ATG10: variants seen among roughly 807,000 people sequenced by gnomAD.
ATG10 encodes the protein autophagy related 10.
Under a neutral mutation model 32.1 loss-of-function variants are expected in ATG10, and 30 were observed. The observed-to-expected ratio is 0.94, with a 90% CI of 0.70 to 1.27. The LOEUF (loss-of-function observed/expected upper bound fraction) is 1.27. Among genes scored for constraint, ATG10 ranks in the 50% most tolerant of loss-of-function variants. The probability of loss-of-function intolerance (pLI) is 0.00; values close to 1 mark genes in which losing one functional copy is unlikely to be tolerated. For missense variants in ATG10, 233 were observed against 262.3 expected, an observed-to-expected ratio of 0.89 and a Z score of 0.77; for synonymous variants, 87 against 91.5, an observed-to-expected ratio of 0.95 and a Z score of 0.28.
chr5:82,244,592 A>AG (rs987066146), intron 5 of ATG10, among the ~76,000 whole-genome samples: 10 of 152,186 alleles, frequency 6.6e-5, no homozygotes, highest in Admixed American at 2.0e-4. Flanking sequence ...CCAGCGTGGA[A>AG]GGCAAATTTG....
chr5:82,095,974 G>T (rs1293944835), intron 3 of ATG10, among the ~76,000 whole-genome samples: 1 of 152,140 alleles, frequency 6.6e-6, no homozygotes, highest in Non-Finnish European at 1.5e-5. Flanking sequence ...TCCAGCTCTG[G>T]AGACTTCACA....
chr5:82,161,157 A>G (rs1743323182), intron 3 of ATG10, among the ~76,000 whole-genome samples: 1 of 152,208 alleles, frequency 6.6e-6, no homozygotes, highest in African/African-American at 2.4e-5. Context: ...CAAATGATGG[A>G]AAGATGCTAG....
intron 3 of ATG10, among the ~76,000 whole-genome samples, chr5:82,114,860 A>G (rs1339425317): frequency 6.6e-6 from 1 of 152,102 alleles, no homozygotes; most frequent in Non-Finnish European, 1.5e-5. Context: ...AATATGTACT[A>G]TATGACTTCT....
intron 3 of ATG10, among the ~76,000 whole-genome samples, chr5:82,151,634 A>C (rs1267067661): frequency 6.6e-6 from 1 of 152,148 alleles, no homozygotes; most frequent in Non-Finnish European, 1.5e-5. Flanking sequence ...AACAAAAAAA[A>C]AAAAAAAATG....
intron 3 of ATG10, among the ~76,000 whole-genome samples, chr5:82,145,249 ATAAT>A (rs1398499838): frequency 3.3e-5 from 5 of 152,048 alleles, no homozygotes; most frequent in African/African-American, 7.2e-5. Context: ...CATTTATGTA[ATAAT>A]TAATATGATT....
At chr5:82,072,176 G>T (rs1764149518) in intron 3 of ATG10, among the ~76,000 whole-genome samples, 1 of 152,186 alleles carries the variant, frequency 6.6e-6, no homozygotes, top group African/African-American at 2.4e-5. Flanking sequence ...GTATGAACAT[G>T]TAGGTAGAAG....
intron 3 of ATG10, among the ~76,000 whole-genome samples, chr5:82,096,444 A>G (rs1281975453): frequency 6.6e-6 from 1 of 152,142 alleles, no homozygotes; most frequent in Non-Finnish European, 1.5e-5. Context: ...CAGCCTCACA[A>G]TCTTTTCCAG....
intron 5 of ATG10, among the ~76,000 whole-genome samples, chr5:82,181,971 TA>T (rs966212263): frequency 1.3e-5 from 2 of 152,142 alleles, no homozygotes; most frequent in African/African-American, 2.4e-5. Flanking sequence ...TGTAGCCTAA[TA>T]AAAAAACTTC....
intron 3 of ATG10, among the ~76,000 whole-genome samples, chr5:82,115,620 A>G (rs1443058979): frequency 6.6e-6 from 1 of 152,170 alleles, no homozygotes; most frequent in Admixed American, 6.6e-5. Context: ...AGTTTAATCA[A>G]TTTTTTTGTA....
chr5:82,120,891 T>G (rs574427691), intron 3 of ATG10, among the ~76,000 whole-genome samples: 12 of 152,250 alleles, frequency 7.9e-5, no homozygotes, highest in African/African-American at 2.6e-4. Flanking sequence ...CCGTTTAGAT[T>G]TAAAAGGTTC....
intron 3 of ATG10, among the ~76,000 whole-genome samples, chr5:82,117,674 A>G (rs1765863708): frequency 1.3e-5 from 2 of 152,128 alleles, no homozygotes; most frequent in Admixed American, 6.6e-5. Flanking sequence ...CCAGAATCCT[A>G]TTTCAATCAG....
chr5:82,068,769 T>A (rs1435277659), intron 3 of ATG10, among the ~76,000 whole-genome samples: 13 of 141,420 alleles, frequency 9.2e-5, no homozygotes, highest in African/African-American at 3.4e-4. Flanking sequence ...ATAATTCTTA[T>A]CTGAAAAAAA....
chr5:82,054,717 C>A (rs1763537218), intron 2 of ATG10, among the ~76,000 whole-genome samples: 1 of 152,148 alleles, frequency 6.6e-6, no homozygotes, highest in African/African-American at 2.4e-5. Flanking sequence ...TCCTCTCATG[C>A]TTGTCCAGGA....
At chr5:82,137,653 C>T (rs570916519) in intron 3 of ATG10, among the ~76,000 whole-genome samples, 23 of 152,230 alleles carry the variant, frequency 1.5e-4, no homozygotes, top group African/African-American at 5.3e-4. Flanking sequence ...ATCTGTCGAC[C>T]CCTGCTGGGA....
chr5:82,094,810 A>G (rs564660864), intron 3 of ATG10, among the ~76,000 whole-genome samples: 50 of 152,178 alleles, frequency 3.3e-4, no homozygotes, highest in Middle Eastern at 6.8e-3. Context: ...GTATACCACT[A>G]TTTTACTATT....
intron 3 of ATG10, among the ~76,000 whole-genome samples, chr5:82,062,824 T>G (rs74929805): frequency 6.6e-6 from 1 of 152,118 alleles, no homozygotes; most frequent in East Asian, 1.9e-4. Context: ...TAAAAAACAG[T>G]GGTAGACTAA....
chr5:82,251,655 G>A (rs1747257813), intron 5 of ATG10, among the ~76,000 whole-genome samples: 1 of 152,084 alleles, frequency 6.6e-6, no homozygotes, highest in Admixed American at 6.5e-5. Context: ...TGTCTTCATA[G>A]GTATTTGAGT....
intron 3 of ATG10, among the ~76,000 whole-genome samples, chr5:82,141,573 A>G (rs1301368489): frequency 6.6e-6 from 1 of 152,194 alleles, no homozygotes; most frequent in Non-Finnish European, 1.5e-5. Context: ...ATACCCAGAA[A>G]AGACTGAAGA....
intron 4 of ATG10, among the ~76,000 whole-genome samples, chr5:82,174,815 A>G (rs1743946973): frequency 6.6e-6 from 1 of 152,188 alleles, no homozygotes; most frequent in Non-Finnish European, 1.5e-5. Flanking sequence ...CTAGCATGCC[A>G]CCAGCAGGGG....
Sources: allele counts gnomAD v4.1 joint callset (sites outside exome capture counted in the v4.1 genomes callset), GRCh38; gene constraint gnomAD v4.1.1; transcripts MANE v1.5; gene names NCBI Gene and HGNC (gene_info 2026-07-23, HGNC 2026-07-21).